The following PLXNA4 variants were observed in gnomAD, a reference collection of about 807,000 sequenced individuals.
PLXNA4 encodes plexin A4, also known as plexin-A4.
PLXNA4 carries 44 observed loss-of-function variants against 191.8 expected under a neutral mutation model. The ratio of observed to expected loss-of-function variants is 0.23; its 90% CI spans 0.18 to 0.29. The LOEUF (loss-of-function observed/expected upper bound fraction) is 0.29. Ranked by LOEUF, PLXNA4 falls within the 10% of genes least tolerant of loss-of-function variation. The pLI, the probability that PLXNA4 is intolerant of heterozygous loss-of-function variation, is 1.00. For synonymous variants in PLXNA4, 1,082 were observed against 1,009.5 expected (o/e 1.07, Z -1.36); for missense variants, 1,800 against 2,488.8 (o/e 0.72, Z 5.89).
intron 2 of PLXNA4, among the ~76,000 whole-genome samples, chr7:132,631,432 T>G (rs1352281437): frequency 6.6e-6 from 1 of 152,192 alleles, no homozygotes; most frequent in African/African-American, 2.4e-5. Flanking sequence ...TCAACTGAAC[T>G]GAATAATCTT....
At chr7:132,261,273 C>T (rs149748212) in intron 4 of PLXNA4, among the ~76,000 whole-genome samples, 126 of 152,216 alleles carry the variant, frequency 8.3e-4, no homozygotes, top group Admixed American at 7.9e-4. Flanking sequence ...CAGAGTCCTG[C>T]GGCTGCGATG....
chr7:132,445,421 C>T (rs1389944181), intron 3 of PLXNA4, among the ~76,000 whole-genome samples: 1 of 151,376 alleles, frequency 6.6e-6, no homozygotes, highest in Non-Finnish European at 1.5e-5. Context: ...ACTCATCTGA[C>T]CATCATCAGT....
intron 3 of PLXNA4, among the ~76,000 whole-genome samples, chr7:132,306,675 T>C (rs1801534628): frequency 1.3e-5 from 2 of 152,114 alleles, no homozygotes; most frequent in South Asian, 2.1e-4. Context: ...AATGAATGAA[T>C]GGCCTGAGAA....
At chr7:132,414,179 G>C (rs762694208) in intron 3 of PLXNA4, among the ~76,000 whole-genome samples, 11 of 152,204 alleles carry the variant, frequency 7.2e-5, no homozygotes, top group Non-Finnish European at 1.2e-4. Flanking sequence ...ATGAGTCCAA[G>C]TTCATTAAGA....
At chr7:132,212,726 A>G (rs1448807787) in intron 9 of PLXNA4, among the ~76,000 whole-genome samples, 4 of 152,198 alleles carry the variant, frequency 2.6e-5, no homozygotes, top group Non-Finnish European at 5.9e-5. Flanking sequence ...GGAGACAGAG[A>G]GGAAGCTGGA....
intron 2 of PLXNA4, among the ~76,000 whole-genome samples, chr7:132,494,975 G>C (rs1327450894): frequency 6.6e-6 from 1 of 152,098 alleles, no homozygotes. Flanking sequence ...GGGAACAGTG[G>C]GGGGATCTCC....
intron 3 of PLXNA4, among the ~76,000 whole-genome samples, chr7:132,353,670 C>A (rs569976554): frequency 2.7e-4 from 41 of 152,152 alleles, no homozygotes; most frequent in Non-Finnish European, 4.6e-4. Flanking sequence ...TTTATTTCAT[C>A]CCTGCATTAG....
intron 21 of PLXNA4, among the ~76,000 whole-genome samples, chr7:132,172,141 C>T (rs1466127866): frequency 6.6e-6 from 1 of 152,192 alleles, no homozygotes; most frequent in South Asian, 2.1e-4. Context: ...CCACCCTCCC[C>T]AGCCCAAGCA....
intron 4 of PLXNA4, among the ~76,000 whole-genome samples, chr7:132,296,095 C>A (rs933023542): frequency 6.6e-6 from 1 of 152,122 alleles, no homozygotes; most frequent in African/African-American, 2.4e-5. Context: ...AGACCAGTGT[C>A]GGCCCAGGTG....
intron 25 of PLXNA4, among the ~76,000 whole-genome samples, chr7:132,156,528 G>A (rs1366778370): frequency 6.6e-6 from 1 of 152,206 alleles, no homozygotes; most frequent in Non-Finnish European, 1.5e-5. Context: ...CCAGGGGCTG[G>A]GCATCAGGAG....
intron 9 of PLXNA4, among the ~76,000 whole-genome samples, chr7:132,221,310 A>G: frequency 6.6e-6 from 1 of 152,216 alleles, no homozygotes; most frequent in South Asian, 2.1e-4. Context: ...AAAATCCACC[A>G]GCTAGCTCAA....
In PLXNA4 at chr7:132,170,099, G is replaced by T. The variant is rs560101835; in HGVS notation, c.4018-1527C>A. On this transcript the variant is annotated intron_variant, in intron 21 of 31. Coordinates refer to ENST00000321063, the MANE Select transcript of PLXNA4 (RefSeq NM_020911.2). ...CGAGCCTGGTTTCAGAGTCGGTCAT[G>T]CTTGGGTTTAATTCTGTCACAGTCA... Among the ~76,000 whole-genome samples the T allele has an allele frequency of 2.0e-4, 30 of 152,208 alleles. No individual in the cohort carries two copies. In the South Asian group the frequency reaches 6.2e-3, roughly 32 times the overall value.
chr7:132,326,855 C>T (rs527480228), intron 3 of PLXNA4, among the ~76,000 whole-genome samples: 2 of 151,738 alleles, frequency 1.3e-5, no homozygotes, highest in East Asian at 3.9e-4. Flanking sequence ...TGTCTGTGCC[C>T]AGTGCCTGGC....
intron 3 of PLXNA4, among the ~76,000 whole-genome samples, chr7:132,394,854 T>TA (rs745952116): frequency 6.5e-4 from 99 of 152,294 alleles, no homozygotes; most frequent in Non-Finnish European, 1.2e-3. Flanking sequence ...CCTCCCGCAC[T>TA]AAAAAAATCT....
At chr7:132,534,888 AT>A (rs2116461639) in intron 1 of PLXNA4, among the ~76,000 whole-genome samples, 1 of 152,336 alleles carries the variant, frequency 6.6e-6, no homozygotes, top group African/African-American at 2.4e-5. Flanking sequence ...CTGCCACAGT[AT>A]TTAGCAAGAT....
rs1473508509 is a variant in PLXNA4 at position 132,178,843 on chromosome 7, T to TACAC, written c.3874+843_3874+844insGTGT. On this transcript the variant is annotated intron_variant, in intron 20 of 31. Coordinates refer to ENST00000321063, the MANE Select transcript of PLXNA4 (RefSeq NM_020911.2). ...AATGAAACACATACACATACACATA[T>TACAC]ATACACACACACACACACACACACA... 3.5e-4 allele frequency among the ~76,000 whole-genome samples: 15 copies of TACAC among 42,542 alleles called. 2 individuals carry two copies. Among genetic ancestry groups the TACAC allele is most frequent in the African/African-American group, 2.0e-3 (13 of 6,666 alleles). The allele number at this position is 42,542 out of a possible 152,430, so 27.9% of individuals were successfully genotyped here.
intron 30 of PLXNA4, among the ~76,000 whole-genome samples, chr7:132,135,628 C>T (rs773001795): frequency 6.6e-6 from 1 of 152,196 alleles, no homozygotes; most frequent in African/African-American, 2.4e-5. Context: ...CACTAAAAGC[C>T]CTGTCCATTT....
At chr7:132,159,724 T>C in intron 24 of PLXNA4, 92 bp from the exon 25 acceptor site, 2 of 1,560,968 alleles carry the variant, frequency 1.3e-6, no homozygotes, top group Non-Finnish European at 1.7e-6. Flanking sequence ...CCGTCCTGAA[T>C]GGCTCATCCT....
At chr7:132,182,046 G>C (rs755008070) in intron 17 of PLXNA4, 51 bp downstream of exon 17, 1 of 1,613,254 alleles carries the variant, frequency 6.2e-7, no homozygotes, top group South Asian at 1.1e-5. Context: ...CTTTGGGGAA[G>C]CAACGTGTTG....
Sources: gnomAD v4.1 joint callset for allele counts (sites outside exome capture counted in the v4.1 genomes callset) on GRCh38, gnomAD v4.1.1 for gene constraint, MANE v1.5 for transcripts, NCBI Gene and HGNC (gene_info 2026-07-23, HGNC 2026-07-21) for gene names.